Variants in TDP2 observed in about 807,000 individuals in gnomAD.
The protein encoded by TDP2 is 5'-Tyr-DNA phosphodiesterase.
TDP2 carries 38 observed loss-of-function variants against 42.8 expected under a neutral mutation model. The observed-to-expected ratio is 0.89, with a 90% CI of 0.68 to 1.16. The LOEUF (loss-of-function observed/expected upper bound fraction) is 1.16, where lower values mean the gene tolerates loss of function less well. Among genes scored for constraint, TDP2 ranks in the 50% most tolerant of loss-of-function variants. TDP2 has a pLI of 0.00. For missense variants in TDP2, 439 were observed against 439.3 expected, an observed-to-expected ratio of 1.00 and a Z score of 0.01; for synonymous variants, 173 against 150.6, an observed-to-expected ratio of 1.15 and a Z score of -1.09.
chr6:24,652,934 T>C, intron 6 of TDP2, 49 bp downstream of exon 6: 1 of 1,598,376 alleles, frequency 6.3e-7, no homozygotes, highest in East Asian at 2.2e-5. Context: ...TAAATTAGTC[T>C]CCATAGCAAT....
intron 6 of TDP2, among the ~76,000 whole-genome samples, chr6:24,652,669 AAC>A (rs3830786): frequency 0.13 from 19,266 of 152,100 alleles, 2,220 homozygotes; most frequent in East Asian, 0.45. Flanking sequence ...ACTGCAAAGA[AAC>A]AACCTTTTCT....
intron 5 of TDP2, 148 bp from the exon 6 acceptor site, chr6:24,653,301 A>G (rs928872314): frequency 2.1e-5 from 18 of 856,692 alleles, no homozygotes; most frequent in Non-Finnish European, 3.1e-5. Flanking sequence ...CTCCGGATCA[A>G]AAGAAGTATT....
At chr6:24,662,487 C>G (rs752994041) in intron 2 of TDP2, among the ~76,000 whole-genome samples, 7 of 152,084 alleles carry the variant, frequency 4.6e-5, no homozygotes, top group Non-Finnish European at 1.0e-4. Flanking sequence ...ACGTGCATAT[C>G]CAGACATAGC....
In TDP2 at chr6:24,658,929, T is replaced by G; in HGVS notation, c.252-195A>C. The G allele has an allele frequency of 8.6e-6, 5 of 584,794 alleles. No individual in the cohort carries two copies. In the South Asian group the frequency reaches 1.1e-4, roughly 13 times the overall value. 36.2% of individuals were successfully genotyped at this position (584,794 alleles called of 1,614,324 possible). A position where few individuals can be genotyped will look rare whatever the true frequency, so the allele number is the denominator to read the frequency against. ...AATTGAGCATTAATCACGCTGCACT[T>G]TGGCCCACTTCTTTGTACGGAAAGT... On this transcript the variant is annotated intron_variant, in intron 2 of 6. Coordinates refer to ENST00000378198, the MANE Select transcript of TDP2 (RefSeq NM_016614.3).
At position 24,666,784 on chromosome 6, in the gene TDP2, G is replaced by C; in HGVS notation, c.79C>G (p.Leu27Val). 3 of 1,614,256 alleles carry C rather than the reference G, an allele frequency of 1.9e-6. No homozygotes were observed. The highest frequency in any genetic ancestry group is 2.5e-6 in the Non-Finnish European group (3 of 1,180,054). ...ACCGAGGCAAACTCCACACACAGAA[G>C]TCGCCGCTTTTTCACCTCAGGCTCG... is the stretch of plus-strand genomic sequence containing the variant. ...EGEPEVKKRRLLCVEFASVAS... is the reference protein window; with the variant it reads ...EGEPEVKKRRVLCVEFASVAS... Residue 27 changes from leucine (L) to valine (V), a missense_variant, in exon 1 of 7, where the codon CTT (leucine) becomes GTT (valine). Leu to Val is a conservative substitution (Grantham distance 32). Coordinates refer to ENST00000378198, the MANE Select transcript of TDP2 (RefSeq NM_016614.3).
Position 24,652,990 on chromosome 6 carries a change from T to C in TDP2, c.800A>G (p.Asp267Gly). 1.2e-6 allele frequency: 2 copies of C among 1,613,264 alleles called. No homozygotes were observed. Among genetic ancestry groups the C allele is most frequent in the Non-Finnish European group, 1.7e-6 (2 of 1,180,004 alleles). ...VIFAGDTNLR[D>G]REVTRCGGLP... ...ACTGACTTTGTCACTCACCTCTCGA[T>C]CCCTTAGATTTGTATCTCCTGCAAA... Residue 267 changes from aspartate to glycine, a missense_variant, in exon 6 of 7, where the codon GAT becomes GGT. Coordinates refer to ENST00000378198, the MANE Select transcript of TDP2 (RefSeq NM_016614.3).
intron 2 of TDP2, among the ~76,000 whole-genome samples, chr6:24,665,214 A>T (rs900028670): frequency 1.3e-5 from 2 of 152,202 alleles, no homozygotes; most frequent in African/African-American, 4.8e-5. Context: ...ACAAAAAAAG[A>T]TATGTATGAA....
chr6:24,650,669 A>T lies in TDP2; in HGVS notation c.*119T>A. ...TTCTGAAAACACAACCATAAATCAT[A>T]GTTGGTTTTTCTGTGACAATGATCT... On this transcript the variant is annotated 3_prime_UTR_variant, in exon 7 of 7. Transcript: ENST00000378198. 1 of 918,546 alleles carries T rather than the reference A, an allele frequency of 1.1e-6. No homozygotes were observed. The allele number at this position is 918,546 out of a possible 1,614,324, so 56.9% of individuals were successfully genotyped here.
chr6:24,650,941 T>C lies in TDP2; in HGVS notation c.936A>G (p.Lys312=), dbSNP rs2127616522. The C allele has an allele frequency of 1.2e-6, 2 of 1,614,092 alleles. No individual in the cohort carries two copies. Among genetic ancestry groups the C allele is most frequent in the Non-Finnish European group, 1.7e-6 (2 of 1,180,008 alleles). ...TGAAAAATATTCGATCAAAACGAAG[T>C]TTACAAGCAGCAGTTATTCCAAGAT... ...NSNLGITAAC[K]LRFDRIFFRA... The change falls in exon 7 of 7, where the codon AAA becomes AAG. Residue 312 remains lysine (K), a synonymous_variant. Coordinates refer to ENST00000378198, the MANE Select transcript of TDP2 (RefSeq NM_016614.3).
At chr6:24,659,578 C>A (rs1490394234) in intron 2 of TDP2, among the ~76,000 whole-genome samples, 5 of 152,288 alleles carry the variant, frequency 3.3e-5, no homozygotes, top group African/African-American at 1.2e-4. Flanking sequence ...TGACATGTGT[C>A]ACTAGAATAA....
rs778549935 is a variant in TDP2, at chr6:24,666,806, C to A, written c.57G>T (p.Glu19Asp). 4 of 1,614,114 alleles carry A rather than the reference C, an allele frequency of 2.5e-6. No individual in the cohort carries two copies. The highest frequency in any genetic ancestry group is 1.7e-5 in the Admixed American group (1 of 60,016). Reference protein sequence around the residue: ...GGREAAEEEGEPEVKKRRLLC... With the variant: ...GGREAAEEEGDPEVKKRRLLC... ...GAAGTCGCCGCTTTTTCACCTCAGG[C>A]TCGCCCTCTTCCTCCGCCGCCTCCC... The change falls in exon 1 of 7, where the codon GAG (glutamate) becomes GAT (aspartate). Residue 19 changes from glutamate to aspartate, a missense_variant. By Grantham distance (45) the Glu-to-Asp change is conservative. Coordinates refer to ENST00000378198, the MANE Select transcript of TDP2 (RefSeq NM_016614.3).
At chr6:24,666,102 T>A (rs914831804) in intron 2 of TDP2, 2 of 1,531,140 alleles carry the variant, frequency 1.3e-6, no homozygotes, top group Non-Finnish European at 8.8e-7. Flanking sequence ...TAAAAAAAAA[T>A]AACAACAACA....
intron 4 of TDP2, among the ~76,000 whole-genome samples, chr6:24,657,177 G>A (rs1449103218): frequency 6.6e-6 from 1 of 152,176 alleles, no homozygotes; most frequent in Non-Finnish European, 1.5e-5. Flanking sequence ...ACCAAATGCA[G>A]GTTGAAAATA....
At chr6:24,666,486 G>A (rs568801141) in intron 2 of TDP2, 40 bp downstream of exon 2, 10 of 1,597,928 alleles carry the variant, frequency 6.3e-6, no homozygotes, top group South Asian at 5.5e-5. Context: ...GTATCAAACT[G>A]CCTCCGTGCG....
intron 2 of TDP2, among the ~76,000 whole-genome samples, chr6:24,660,510 C>A (rs1778124226): frequency 6.6e-6 from 1 of 152,194 alleles, no homozygotes; most frequent in Non-Finnish European, 1.5e-5. Flanking sequence ...AGCAAAAATA[C>A]AGTAATATAA....
At chr6:24,652,138 T>C (rs1238854669) in intron 6 of TDP2, among the ~76,000 whole-genome samples, 2 of 152,240 alleles carry the variant, frequency 1.3e-5, no homozygotes, top group African/African-American at 2.4e-5. Context: ...CCTTTTTGGA[T>C]TGGCTTCATT....
At position 24,650,833 on chromosome 6, in the gene TDP2, A is replaced by T. The variant is rs143596142; in HGVS notation, c.1044T>A (p.Pro348=). ...GLEKLDCGRF[P]SDHWGLLCNL... ...TGCACAGAAGACCCCAGTGATCACT[A>T]GGAAATCTACCACAGTCCAGTTTTT... The change falls in exon 7 of 7, where the codon CCT becomes CCA. Residue 348 remains proline, a synonymous_variant. Transcript: ENST00000378198. 9 of 1,614,136 alleles carry T rather than the reference A, an allele frequency of 5.6e-6. No homozygotes were observed. Among genetic ancestry groups the T allele is most frequent in the Non-Finnish European group, 6.8e-6 (8 of 1,179,974 alleles).
rs553236370 is a variant in TDP2 at position 24,650,459 on chromosome 6, C to T, written c.*329G>A. The T allele has an allele frequency of 1.2e-4, 28 of 226,728 alleles. No homozygotes were observed. Among genetic ancestry groups the T allele is most frequent in the East Asian group, 9.7e-4 (9 of 9,326 alleles). 14.0% of individuals were successfully genotyped at this position (226,728 alleles called of 1,614,324 possible). ...GACTTATTTCAAATATTAACTATTT[C>T]GGTGCCTGAATGGAAAAATATAAAC... On this transcript the variant is annotated 3_prime_UTR_variant, in exon 7 of 7. Coordinates refer to ENST00000378198, the MANE Select transcript of TDP2 (RefSeq NM_016614.3).
intron 2 of TDP2, 131 bp from the exon 3 acceptor site, chr6:24,658,865 G>A: frequency 1.1e-6 from 1 of 874,726 alleles, no homozygotes. Context: ...TCCTTACAGG[G>A]TTAACAAGAA....
Sources: gnomAD v4.1 joint callset for allele counts (sites outside exome capture counted in the v4.1 genomes callset) on GRCh38, gnomAD v4.1.1 for gene constraint, MANE v1.5 for transcripts, NCBI Gene and HGNC (gene_info 2026-07-23, HGNC 2026-07-21) for gene names.